Variants in HDAC9 observed in about 807,000 individuals in gnomAD.
HDAC9 encodes the protein MEF-2 interacting transcription repressor (MITR) protein.
In HDAC9, 41 loss-of-function variants were observed where a neutral mutation model predicts 139.4. That is an observed-to-expected ratio of 0.29 (90% CI 0.23 to 0.38). HDAC9 has a LOEUF of 0.38. HDAC9 is among the 10% of genes least tolerant of loss of function. The pLI, the probability that HDAC9 is intolerant of heterozygous loss-of-function variation, is 1.00. For synonymous variants in HDAC9, 517 were observed against 476.2 expected (o/e 1.09, Z -1.12); for missense variants, 1,147 against 1,297.0 (o/e 0.88, Z 1.78).
intron 1 of HDAC9, among the ~76,000 whole-genome samples, chr7:18,440,666 A>G (rs1791672539): frequency 6.6e-6 from 1 of 151,932 alleles, no homozygotes; most frequent in Non-Finnish European, 1.5e-5. Flanking sequence ...TTTCTATTTC[A>G]TTACCCTTAT....
chr7:18,300,316 T>C (rs1024231400), intron 1 of HDAC9, among the ~76,000 whole-genome samples: 1 of 152,258 alleles, frequency 6.6e-6, no homozygotes, highest in Middle Eastern at 3.4e-3. Flanking sequence ...GCTCTAGATA[T>C]ACTGACTTTT....
chr7:18,277,482 G>A (rs1796814286), intron 2 of HDAC9, among the ~76,000 whole-genome samples: 1 of 152,224 alleles, frequency 6.6e-6, no homozygotes, highest in African/African-American at 2.4e-5. Flanking sequence ...GGTGTGCAAG[G>A]TGGGAGGAGG....
At chr7:18,502,732 C>G (rs914498164) in intron 2 of HDAC9, 3 of 152,024 alleles carry the variant, frequency 2.0e-5, no homozygotes, top group Non-Finnish European at 2.9e-5. Flanking sequence ...AAGAAGCCCC[C>G]TAATAAAGAG....
intron 6 of HDAC9, among the ~76,000 whole-genome samples, chr7:18,627,467 T>A (rs1842011388): frequency 6.6e-6 from 1 of 152,206 alleles, no homozygotes. Context: ...TCTATAACTT[T>A]TTGGAGGCAA....
intron 18 of HDAC9, 109 bp from the exon 19 acceptor site, chr7:18,829,352 T>C: frequency 9.0e-7 from 1 of 1,112,268 alleles, no homozygotes; most frequent in East Asian, 2.4e-5. Flanking sequence ...GAAGCAGATT[T>C]ATGGCTTCAG....
chr7:18,412,210 T>A (rs1190148346), intron 1 of HDAC9, among the ~76,000 whole-genome samples: 1 of 151,860 alleles, frequency 6.6e-6, no homozygotes, highest in Non-Finnish European at 1.5e-5. Context: ...TGTAGGTCTT[T>A]TACTAGGTGC....
chr7:18,997,535 T>A lies in HDAC9; in HGVS notation c.*1473T>A, dbSNP rs913000832. ...CAATGCTTTTGAAAGAGTTGATGTTTCTTTTTATATATTTTTCTAACTCAA... is the reference window on the plus strand; with the variant it reads ...CAATGCTTTTGAAAGAGTTGATGTTACTTTTTATATATTTTTCTAACTCAA... On this transcript the variant is annotated 3_prime_UTR_variant, in exon 26 of 26. Coordinates refer to ENST00000686413, the MANE Select transcript of HDAC9 (RefSeq NM_178425.4). 6 of 152,284 alleles carry A rather than the reference T, an allele frequency of 3.9e-5. No individual in the cohort carries two copies. The East Asian group carries it at 1.2e-3, about 29-fold the overall frequency. The allele number at this position is 152,284 out of a possible 1,614,324, so 9.4% of individuals were successfully genotyped here. A position where few individuals can be genotyped will look rare whatever the true frequency, so the allele number is the denominator to read the frequency against.
chr7:18,592,921 A>G (rs1831396923), intron 5 of HDAC9, among the ~76,000 whole-genome samples: 1 of 152,136 alleles, frequency 6.6e-6, no homozygotes, highest in Non-Finnish European at 1.5e-5. Flanking sequence ...AATGAGAAAC[A>G]GCTACATGCA....
intron 13 of HDAC9, among the ~76,000 whole-genome samples, chr7:18,739,777 G>A (rs1787277150): frequency 6.6e-6 from 1 of 152,222 alleles, no homozygotes. Context: ...ATGCCGTGCT[G>A]GGAGAACCAC....
chr7:18,185,619 C>A (rs779817609), intron 2 of HDAC9, among the ~76,000 whole-genome samples: 1 of 151,980 alleles, frequency 6.6e-6, no homozygotes, highest in African/African-American at 2.4e-5. Flanking sequence ...TTTTAAAAAG[C>A]CCCTTTTTTT....
intron 12 of HDAC9, among the ~76,000 whole-genome samples, chr7:18,696,509 C>T (rs1341950749): frequency 1.3e-5 from 2 of 149,596 alleles, no homozygotes; most frequent in Non-Finnish European, 3.0e-5. Context: ...TGCTCTGTCT[C>T]CAGGCTGGAG....
At chr7:18,799,553 T>C (rs1440927292) in intron 17 of HDAC9, among the ~76,000 whole-genome samples, 3 of 152,198 alleles carry the variant, frequency 2.0e-5, no homozygotes, top group African/African-American at 7.2e-5. Flanking sequence ...TGTATGACTC[T>C]ATAAACAGAA....
At chr7:18,308,550 G>A (rs638519) in intron 1 of HDAC9, among the ~76,000 whole-genome samples, 29,570 of 151,860 alleles carry the variant, frequency 0.19, 3,121 homozygotes, top group African/African-American at 0.26. Flanking sequence ...AAGTTTTGGT[G>A]TACTCAGTAG....
intron 13 of HDAC9, among the ~76,000 whole-genome samples, chr7:18,734,330 T>C (rs956446989): frequency 2.6e-5 from 4 of 152,196 alleles, no homozygotes; most frequent in African/African-American, 7.2e-5. Flanking sequence ...GCCGTACCCA[T>C]CAACTTATCA....
chr7:18,239,927 C>T (rs897077474), intron 2 of HDAC9, among the ~76,000 whole-genome samples: 8 of 149,586 alleles, frequency 5.3e-5, no homozygotes, highest in African/African-American at 9.8e-5. Flanking sequence ...TTGTACAGCT[C>T]GCCTTTCCTG....
chr7:18,875,289 A>G (rs1308124228), intron 22 of HDAC9, among the ~76,000 whole-genome samples: 1 of 152,212 alleles, frequency 6.6e-6, no homozygotes, highest in Non-Finnish European at 1.5e-5. Context: ...TAGCTCACAT[A>G]TAAATGTACA....
At chr7:18,754,958 A>G (rs6954162) in intron 14 of HDAC9, among the ~76,000 whole-genome samples, 2,582 of 152,282 alleles carry the variant, frequency 0.017, 74 homozygotes, top group African/African-American at 0.059. Flanking sequence ...AGTTAATGGA[A>G]ATTCAATTAG....
At chr7:18,960,009 AACACACACACACACAC>A (rs58030908) in intron 24 of HDAC9, among the ~76,000 whole-genome samples, 1 of 148,916 alleles carries the variant, frequency 6.7e-6, no homozygotes, top group Non-Finnish European at 1.5e-5. Context: ...TGTTGTTTTA[AACACACACACACACAC>A]ACACACACAC....
chr7:18,159,956 A>C (rs945900814), intron 1 of HDAC9, among the ~76,000 whole-genome samples: 1 of 152,222 alleles, frequency 6.6e-6, no homozygotes, highest in African/African-American at 2.4e-5. Context: ...TCTGCAACTC[A>C]GGTTTGGAGC....
Sources: allele counts gnomAD v4.1 joint callset (sites outside exome capture counted in the v4.1 genomes callset), GRCh38; gene constraint gnomAD v4.1.1; transcripts MANE v1.5; gene names NCBI Gene and HGNC (gene_info 2026-07-23, HGNC 2026-07-21).